Variants in CHRM3 observed in about 807,000 individuals in gnomAD.
CHRM3 encodes the protein muscarinic acetylcholine receptor M3.
In CHRM3, 11 loss-of-function variants were observed where a neutral mutation model predicts 41.8. The observed-to-expected ratio is 0.26, with a 90% confidence interval of 0.17 to 0.44. The LOEUF is 0.44. CHRM3 is among the 20% of genes least tolerant of loss of function. The pLI is 1.00. For synonymous variants in CHRM3, 297 were observed against 301.4 expected (o/e 0.99, Z 0.15); for missense variants, 571 against 745.4 (o/e 0.77, Z 2.72).
intron 2 of CHRM3, among the ~76,000 whole-genome samples, chr1:239,501,120 T>C (rs1369935286): frequency 6.6e-6 from 1 of 152,108 alleles, no homozygotes; most frequent in Non-Finnish European, 1.5e-5. Flanking sequence ...AGCTCTCAAA[T>C]TTATAAAACA....
chr1:239,737,456 AC>A lies in CHRM3; in HGVS notation c.-147+59172del, dbSNP rs527846882. ...TTCAGAAAAAATAAACACACAACTA[AC>A]CCCGTTTAGAGGTGTTCAGATGTTT... On this transcript the variant is annotated intron_variant, in intron 5 of 6. Coordinates refer to ENST00000676153, the MANE Select transcript of CHRM3 (RefSeq NM_001375978.1). Among the ~76,000 whole-genome samples, 28 of 152,154 alleles carry A rather than the reference AC, an allele frequency of 1.8e-4. No individual in the cohort carries two copies. In the South Asian group the frequency reaches 5.6e-3, roughly 30 times the overall value.
intron 3 of CHRM3, among the ~76,000 whole-genome samples, chr1:239,576,406 G>A (rs1662345870): frequency 6.6e-6 from 1 of 152,096 alleles, no homozygotes; most frequent in Non-Finnish European, 1.5e-5. Flanking sequence ...GGGAATGAGA[G>A]TATTAACTAT....
At chr1:239,721,527 GA>G (rs1300390938) in intron 5 of CHRM3, among the ~76,000 whole-genome samples, 2 of 151,892 alleles carry the variant, frequency 1.3e-5, no homozygotes, top group African/African-American at 4.8e-5. Flanking sequence ...CATTAACAGG[GA>G]GAACAAGGTT....
chr1:239,718,341 C>T (rs566269908), intron 5 of CHRM3, among the ~76,000 whole-genome samples: 6 of 152,080 alleles, frequency 3.9e-5, no homozygotes, highest in Admixed American at 2.6e-4. Context: ...TTTACACTAG[C>T]GCTATACAAA....
intron 3 of CHRM3, among the ~76,000 whole-genome samples, chr1:239,557,344 G>T (rs903614416): frequency 4.6e-5 from 7 of 152,040 alleles, no homozygotes; most frequent in Non-Finnish European, 1.0e-4. Context: ...TATTTTAATG[G>T]TCTCTCTGAC....
intron 5 of CHRM3, among the ~76,000 whole-genome samples, chr1:239,779,706 G>C (rs114982442): frequency 0.013 from 1,978 of 152,288 alleles, 38 homozygotes; most frequent in African/African-American, 0.045. Flanking sequence ...CTGTACTCCA[G>C]ACTTGGCAAC....
intron 5 of CHRM3, among the ~76,000 whole-genome samples, chr1:239,767,327 A>G (rs1331883882): frequency 6.6e-6 from 1 of 152,184 alleles, no homozygotes; most frequent in African/African-American, 2.4e-5. Flanking sequence ...GGCATGAGAA[A>G]TTCCAATTCT....
chr1:239,696,688 G>A (rs1274641537), intron 5 of CHRM3, among the ~76,000 whole-genome samples: 4 of 152,120 alleles, frequency 2.6e-5, no homozygotes, highest in Middle Eastern at 3.2e-3. Flanking sequence ...TATGTAGCTG[G>A]CATTTGTGCA....
At chr1:239,404,237 C>T (rs1460834791) in intron 1 of CHRM3, among the ~76,000 whole-genome samples, 2 of 146,808 alleles carry the variant, frequency 1.4e-5, no homozygotes, top group East Asian at 2.1e-4. Flanking sequence ...TGCAGTGAGC[C>T]GAGATCGCAC....
At chr1:239,408,914 G>T (rs1233581013) in intron 1 of CHRM3, among the ~76,000 whole-genome samples, 2 of 151,876 alleles carry the variant, frequency 1.3e-5, no homozygotes, top group African/African-American at 4.8e-5. Context: ...GACCTACTAT[G>T]CCCGGCCTCC....
intron 3 of CHRM3, among the ~76,000 whole-genome samples, chr1:239,630,431 A>C (rs1669684142): frequency 6.6e-6 from 1 of 152,214 alleles, no homozygotes; most frequent in African/African-American, 2.4e-5. Context: ...GAGGACTGAC[A>C]CATGGTTAAA....
chr1:239,684,726 G>C (rs1658915094), intron 5 of CHRM3, among the ~76,000 whole-genome samples: 1 of 66,900 alleles, frequency 1.5e-5, no homozygotes, highest in Non-Finnish European at 3.3e-5. Context: ...AGAAAGGAAA[G>C]GAAAGGAAAG....
chr1:239,873,322 G>A (rs934780319), intron 6 of CHRM3, among the ~76,000 whole-genome samples: 1 of 152,022 alleles, frequency 6.6e-6, no homozygotes, highest in South Asian at 2.1e-4. Flanking sequence ...CAGGGAACAT[G>A]ATAATGCAAA....
chr1:239,445,036 T>G (rs1325770992), intron 1 of CHRM3, among the ~76,000 whole-genome samples: 2 of 152,150 alleles, frequency 1.3e-5, no homozygotes, highest in Non-Finnish European at 2.9e-5. Context: ...TTGGCAACAA[T>G]GAGGTTATTG....
chr1:239,864,660 A>G (rs907338523), intron 6 of CHRM3, among the ~76,000 whole-genome samples: 8 of 152,106 alleles, frequency 5.3e-5, no homozygotes, highest in Admixed American at 4.6e-4. Context: ...CTTTTCATTA[A>G]ATCGGGAATA....
intron 6 of CHRM3, among the ~76,000 whole-genome samples, chr1:239,836,673 T>C (rs764675630): frequency 1.3e-5 from 2 of 152,100 alleles, no homozygotes; most frequent in South Asian, 2.1e-4. Flanking sequence ...GAAAGTTTTG[T>C]CACATATAAG....
intron 5 of CHRM3, among the ~76,000 whole-genome samples, chr1:239,699,373 G>C (rs2148072327): frequency 6.6e-6 from 1 of 152,160 alleles, no homozygotes; most frequent in East Asian, 1.9e-4. Flanking sequence ...AGGGATTAGA[G>C]CCCTTATAAG....
Position 239,580,201 on chromosome 1 carries a change from C to T in CHRM3, c.-313+34452C>T, listed in dbSNP as rs1369517455. ...AGATGACAGTACTTTCCCTCTTGCCCCCATATTTTCCCAAGTCTTTTGTAA... is the reference window on the plus strand; with the variant it reads ...AGATGACAGTACTTTCCCTCTTGCCTCCATATTTTCCCAAGTCTTTTGTAA... On this transcript the variant is annotated intron_variant, in intron 3 of 6. Coordinates refer to ENST00000676153, the MANE Select transcript of CHRM3 (RefSeq NM_001375978.1). Among the ~76,000 whole-genome samples, 4 of 151,664 alleles carry T rather than the reference C, an allele frequency of 2.6e-5. No individual in the cohort carries two copies. The Admixed American group carries it at 2.6e-4, about 10-fold the overall frequency.
At chr1:239,524,187 C>T (rs1282301891) in intron 2 of CHRM3, among the ~76,000 whole-genome samples, 1 of 151,564 alleles carries the variant, frequency 6.6e-6, no homozygotes, top group South Asian at 2.1e-4. Flanking sequence ...TATATATATG[C>T]ACACATATGA....
Sources: gnomAD v4.1 joint callset for allele counts (sites outside exome capture counted in the v4.1 genomes callset) on GRCh38, gnomAD v4.1.1 for gene constraint, MANE v1.5 for transcripts, NCBI Gene and HGNC (gene_info 2026-07-23, HGNC 2026-07-21) for gene names.